The following IFT88 variants were observed in gnomAD, a reference collection of about 807,000 sequenced individuals.
The protein encoded by IFT88 is intraflagellar transport 88, also known as intraflagellar transport protein 88 homolog.
Under a neutral mutation model 119.5 loss-of-function variants are expected in IFT88, and 74 were observed. That is an observed-to-expected ratio of 0.62 (90% CI 0.51 to 0.75). The LOEUF (loss-of-function observed/expected upper bound fraction) is 0.75, where lower values mean the gene tolerates loss of function less well. IFT88 is among the 30% of genes least tolerant of loss of function. The pLI is 0.00. For missense variants in IFT88, 961 were observed against 977.7 expected, an observed-to-expected ratio of 0.98 and a Z score of 0.23; for synonymous variants, 279 against 316.7, an observed-to-expected ratio of 0.88 and a Z score of 1.26.
At chr13:20,684,587 A>G (rs991016085) in intron 24 of IFT88, among the ~76,000 whole-genome samples, 2 of 152,182 alleles carry the variant, frequency 1.3e-5, no homozygotes, top group Non-Finnish European at 2.9e-5. Context: ...TGTGCTGCCT[A>G]CCTTTTCCCA....
chr13:20,617,839 G>T (rs9285142), intron 14 of IFT88, among the ~76,000 whole-genome samples: 100,933 of 152,024 alleles, frequency 0.66, 35,448 homozygotes, highest in East Asian at 1. Context: ...TGTCAACCAG[G>T]CTGGAGCGCA....
chr13:20,582,433 C>T lies in IFT88; in HGVS notation c.91-524C>T, dbSNP rs116838947. 3.8e-3 allele frequency among the ~76,000 whole-genome samples: 581 copies of T among 152,188 alleles called. 4 individuals are homozygous for T. The highest frequency in any genetic ancestry group is 0.014 in the African/African-American group (564 of 41,504). ...ATTTGCTTAGATTAGCTCCAGTCTG[C>T]GTCTCAGACTTGACCTCTCCAGTGA... On this transcript the variant is annotated intron_variant, in intron 2 of 25. Coordinates refer to ENST00000351808, the MANE Select transcript of IFT88 (RefSeq NM_006531.5).
intron 2 of IFT88, among the ~76,000 whole-genome samples, chr13:20,582,664 C>T (rs1286380270): frequency 6.6e-6 from 1 of 152,098 alleles, no homozygotes; most frequent in Admixed American, 6.5e-5. Flanking sequence ...AAGGCCACAT[C>T]CTTGTATACT....
intron 11 of IFT88, among the ~76,000 whole-genome samples, chr13:20,601,320 C>CA (rs1252237426): frequency 6.7e-6 from 1 of 149,752 alleles, no homozygotes; most frequent in African/African-American, 2.5e-5. Flanking sequence ...GAGCAGACAT[C>CA]ATGCCACTGC....
chr13:20,609,289 C>G (rs564866872), intron 13 of IFT88, among the ~76,000 whole-genome samples: 6 of 152,250 alleles, frequency 3.9e-5, no homozygotes, highest in African/African-American at 1.4e-4. Context: ...TTGCTGAAAA[C>G]AGAATGAATC....
chr13:20,685,216 A>G (rs1255107644), intron 24 of IFT88, among the ~76,000 whole-genome samples: 2 of 152,106 alleles, frequency 1.3e-5, no homozygotes, highest in African/African-American at 2.4e-5. Context: ...TGCTCCTGCT[A>G]TTGTTTATGG....
At chr13:20,634,979 G>C (rs1201772622) in intron 16 of IFT88, among the ~76,000 whole-genome samples, 2 of 127,466 alleles carry the variant, frequency 1.6e-5, no homozygotes, top group African/African-American at 6.3e-5. Context: ...GCCCCGGTGT[G>C]TGATGTTCGC....
chr13:20,579,326 ATTC>A (rs956775514), intron 2 of IFT88, among the ~76,000 whole-genome samples: 5 of 152,110 alleles, frequency 3.3e-5, no homozygotes, highest in African/African-American at 9.7e-5. Flanking sequence ...TTGGTGCTCT[ATTC>A]TTCTGCTGCT....
chr13:20,645,142 T>A (rs2050540767), intron 20 of IFT88, among the ~76,000 whole-genome samples, 184 bp downstream of exon 20: 1 of 152,192 alleles, frequency 6.6e-6, no homozygotes, highest in Non-Finnish European at 1.5e-5. Flanking sequence ...CAGGTTGAAG[T>A]GCAATGGCGT....
intron 15 of IFT88, among the ~76,000 whole-genome samples, chr13:20,626,338 G>A (rs1462726438): frequency 6.6e-6 from 1 of 152,106 alleles, no homozygotes; most frequent in Non-Finnish European, 1.5e-5. Context: ...GGGATTACAG[G>A]TGTGAGCCAC....
At chr13:20,674,699 G>GTT (rs1166347081) in intron 24 of IFT88, among the ~76,000 whole-genome samples, 5 of 123,006 alleles carry the variant, frequency 4.1e-5, no homozygotes, top group East Asian at 2.5e-4. Flanking sequence ...AAAAACTGAA[G>GTT]TTTTATATAT....
chr13:20,584,650 C>T (rs529848926), intron 3 of IFT88, among the ~76,000 whole-genome samples: 1 of 152,218 alleles, frequency 6.6e-6, no homozygotes, highest in Non-Finnish European at 1.5e-5. Context: ...TAGACATCTG[C>T]CTTTCACAGT....
At chr13:20,664,842 G>A (rs563667673) in intron 23 of IFT88, among the ~76,000 whole-genome samples, 1 of 152,258 alleles carries the variant, frequency 6.6e-6, no homozygotes, top group African/African-American at 2.4e-5. Context: ...CACTTTGGGA[G>A]GCCAAGGTGG....
At chr13:20,610,104 G>GT (rs55652116) in intron 13 of IFT88, among the ~76,000 whole-genome samples, 118,614 of 146,854 alleles carry the variant, frequency 0.81, 48,767 homozygotes, top group East Asian at 0.99. Flanking sequence ...CTTGACTGCT[G>GT]TTTTTTTTTT....
intron 3 of IFT88, among the ~76,000 whole-genome samples, chr13:20,587,833 C>T (rs767377522): frequency 1.5e-4 from 23 of 151,998 alleles, no homozygotes; most frequent in Non-Finnish European, 3.4e-4. Flanking sequence ...TTACTTCCAA[C>T]TTTTCCGTAT....
At chr13:20,582,574 CAG>C (rs561351109) in intron 2 of IFT88, among the ~76,000 whole-genome samples, 30 of 151,962 alleles carry the variant, frequency 2.0e-4, no homozygotes, top group African/African-American at 4.3e-4. Flanking sequence ...AGGAGAAAGA[CAG>C]GGGGATGGTG....
chr13:20,586,906 C>CA (rs932467136), intron 3 of IFT88, among the ~76,000 whole-genome samples: 5 of 45,100 alleles, frequency 1.1e-4, no homozygotes, highest in African/African-American at 2.8e-4. Flanking sequence ...TGTTTTTTCC[C>CA]ATTTTTTTTA....
intron 3 of IFT88, among the ~76,000 whole-genome samples, chr13:20,583,347 T>A (rs4132350): frequency 0.012 from 1,788 of 152,318 alleles, 35 homozygotes; most frequent in African/African-American, 0.041. Flanking sequence ...GCTTATTCAC[T>A]TAGTATAATG....
rs538200342 is a variant in IFT88, at chr13:20,643,458, T to C, written c.1686T>C (p.Tyr562=). The change falls in exon 19 of 26, where the codon TAT becomes TAC. Residue 562 remains tyrosine (Y), a synonymous_variant. Transcript: ENST00000351808. ...TCCTTAACTGACATTGCATAAGATA[T>C]GAATTAATGGAAAATCCCAGTCAAG... ...AEVLYQIANI[Y]ELMENPSQAI... 1.3e-6 allele frequency: 2 copies of C among 1,593,824 alleles called. No individual in the cohort carries two copies. The highest frequency in any genetic ancestry group is 1.7e-6 in the Non-Finnish European group (2 of 1,174,320).
Sources: gnomAD v4.1 joint callset for allele counts (sites outside exome capture counted in the v4.1 genomes callset) on GRCh38, gnomAD v4.1.1 for gene constraint, MANE v1.5 for transcripts, NCBI Gene and HGNC (gene_info 2026-07-23, HGNC 2026-07-21) for gene names.